The following APTX variants were observed in gnomAD, a reference collection of about 807,000 sequenced individuals.
The protein encoded by APTX is forkhead-associated domain histidine triad-like protein.
APTX carries 33 observed loss-of-function variants against 42.3 expected under a neutral mutation model. That is an observed-to-expected ratio of 0.78 (90% CI 0.59 to 1.04). The LOEUF (loss-of-function observed/expected upper bound fraction) is 1.04, where lower values mean the gene tolerates loss of function less well. APTX is among the 50% of genes least tolerant of loss of function. The pLI is 0.00. For synonymous variants in APTX, 130 were observed against 146.7 expected, an observed-to-expected ratio of 0.89 and a Z score of 0.82; for missense variants, 421 against 415.1, an observed-to-expected ratio of 1.01 and a Z score of -0.12.
intron 6 of APTX, chr9:32,980,016 T>A (rs1157799430): frequency 1.3e-5 from 2 of 156,024 alleles, no homozygotes; most frequent in Admixed American, 1.3e-4. Context: ...CAGAAGTGCT[T>A]CGTTCCTGAA....
chr9:33,021,952 TGTTAA>T (rs1373285364), intron 1 of APTX, among the ~76,000 whole-genome samples: 1 of 147,164 alleles, frequency 6.8e-6, no homozygotes, highest in Non-Finnish European at 1.5e-5. Flanking sequence ...ACATCAAGGC[TGTTAA>T]TTTAAAAAAA....
At chr9:32,984,408 G>A (rs564251913) in intron 6 of APTX, among the ~76,000 whole-genome samples, 3 of 152,272 alleles carry the variant, frequency 2.0e-5, no homozygotes, top group Admixed American at 6.5e-5. Context: ...TATTTTGAGA[G>A]GAACAAAGAA....
chr9:33,000,848 T>TC (rs1344329281), intron 1 of APTX, among the ~76,000 whole-genome samples: 7 of 139,682 alleles, frequency 5.0e-5, no homozygotes, highest in Non-Finnish European at 1.1e-4. Context: ...TTTTTTTCTT[T>TC]TTTTTTTTTT....
At chr9:33,001,721 A>T, upstream of APTX, 1 of 1,381,776 alleles carries the variant, frequency 7.2e-7, no homozygotes, top group Non-Finnish European at 1.0e-6. Flanking sequence ...CCCACTTCCC[A>T]GATCAAAAAG....
In APTX at chr9:32,985,954, C is replaced by CA; in HGVS notation, c.543+16dup. 12 of 1,560,688 alleles carry CA rather than the reference C, an allele frequency of 7.7e-6. No homozygotes were observed. The highest frequency in any genetic ancestry group is 1.0e-5 in the Non-Finnish European group (12 of 1,152,132). ...TACAACATGAAATGTACTGAAATTC[C>CA]AAAATTGTATTCTGACCTGCATTTT... On this transcript the variant is annotated intron_variant, in intron 5 of 7. Transcript: ENST00000379817.
chr9:33,012,941 G>C (rs1291905733), intron 1 of APTX, among the ~76,000 whole-genome samples: 1 of 152,150 alleles, frequency 6.6e-6, no homozygotes, highest in African/African-American at 2.4e-5. Flanking sequence ...TTATATACTT[G>C]TGTAAATGTT....
intron 1 of APTX, among the ~76,000 whole-genome samples, chr9:33,011,058 G>T (rs1216334689): frequency 6.6e-6 from 1 of 151,702 alleles, no homozygotes; most frequent in Admixed American, 6.6e-5. Flanking sequence ...CATGAAAATT[G>T]CTTGAACCTG....
At chr9:32,981,723 T>A (rs142964682) in intron 6 of APTX, among the ~76,000 whole-genome samples, 1 of 152,286 alleles carries the variant, frequency 6.6e-6, no homozygotes, top group African/African-American at 2.4e-5. Context: ...AATTATAGTA[T>A]TGAATTATAA....
At chr9:33,007,792 G>A (rs932517286) in intron 1 of APTX, among the ~76,000 whole-genome samples, 3 of 151,616 alleles carry the variant, frequency 2.0e-5, no homozygotes, top group Non-Finnish European at 2.9e-5. Flanking sequence ...AGGTAAACAT[G>A]TTTTCTCACC....
rs111392103 is a variant in APTX at position 32,984,621 on chromosome 9, C to T, written c.770+10G>A. ...AACCAGGAGCCAGCAGCACTACCCA[C>T]CTGGCTTACCTCATACTCGGAATGG... On this transcript the variant is annotated intron_variant, in intron 6 of 7. Coordinates refer to ENST00000379817, the MANE Select transcript of APTX (RefSeq NM_001195248.2). The T allele has an allele frequency of 2.5e-6, 4 of 1,613,456 alleles. No homozygotes were observed. Among genetic ancestry groups the T allele is most frequent in the Non-Finnish European group, 3.4e-6 (4 of 1,179,472 alleles).
At chr9:32,984,924 T>C (rs542599679) in intron 5 of APTX, 67 bp from the exon 6 acceptor site, 6 of 1,415,272 alleles carry the variant, frequency 4.2e-6, no homozygotes, top group East Asian at 2.3e-5. Context: ...CTGGTTGTTA[T>C]ATTCACTAAG....
chr9:33,000,523 G>A (rs537904676), intron 1 of APTX, among the ~76,000 whole-genome samples: 50 of 151,036 alleles, frequency 3.3e-4, no homozygotes, highest in Non-Finnish European at 3.8e-4. Flanking sequence ...AGCTCCTTGG[G>A]AGGCTGAGGC....
chr9:33,024,022 T>C (rs555886559), intron 1 of APTX, among the ~76,000 whole-genome samples: 69 of 152,318 alleles, frequency 4.5e-4, no homozygotes, highest in Middle Eastern at 3.4e-3. Flanking sequence ...CTCAGCTCAA[T>C]TGCCACTTTC....
At chr9:32,995,085 G>C (rs1280012954) in intron 1 of APTX, among the ~76,000 whole-genome samples, 1 of 152,190 alleles carries the variant, frequency 6.6e-6, no homozygotes, top group East Asian at 1.9e-4. Context: ...ATTATACAGG[G>C]AGATAAATAT....
intron 2 of APTX, chr9:32,989,521 G>C (rs538849649): frequency 2.5e-5 from 16 of 648,128 alleles, no homozygotes; most frequent in Admixed American, 4.2e-5. Flanking sequence ...CCATCCCATG[G>C]TAACAGTATG....
At chr9:32,993,957 G>A (rs1336292184) in intron 1 of APTX, among the ~76,000 whole-genome samples, 2 of 152,066 alleles carry the variant, frequency 1.3e-5, no homozygotes, top group African/African-American at 4.8e-5. Flanking sequence ...GATGTCAGGC[G>A]ATCCGCCCAC....
intron 6 of APTX, among the ~76,000 whole-genome samples, chr9:32,976,296 C>T (rs146602443): frequency 0.039 from 5,991 of 151,990 alleles, 150 homozygotes; most frequent in East Asian, 0.11. Flanking sequence ...AGTTGATGGG[C>T]GCAGCAAACC....
At chr9:33,003,052 A>T (rs1836815468), upstream of APTX, among the ~76,000 whole-genome samples, 1 of 152,236 alleles carries the variant, frequency 6.6e-6, no homozygotes, top group Admixed American at 6.5e-5. Flanking sequence ...ACTGCCCAAG[A>T]TAAAAAGAGG....
chr9:33,008,950 C>T (rs929186886), intron 1 of APTX, among the ~76,000 whole-genome samples: 2 of 152,172 alleles, frequency 1.3e-5, no homozygotes, highest in Admixed American at 6.5e-5. Context: ...ACAGTGTAAA[C>T]ATGATGAGGT....
Sources: allele counts gnomAD v4.1 joint callset (sites outside exome capture counted in the v4.1 genomes callset), GRCh38; gene constraint gnomAD v4.1.1; transcripts MANE v1.5; gene names NCBI Gene and HGNC (gene_info 2026-07-23, HGNC 2026-07-21).